Variants in NT5DC2 observed in about 807,000 individuals in gnomAD.
NT5DC2 encodes 5'-nucleotidase domain-containing protein 2.
In NT5DC2, 41 loss-of-function variants were observed where a neutral mutation model predicts 70.0. The observed-to-expected ratio is 0.59, with a 90% CI of 0.46 to 0.76. The LOEUF (loss-of-function observed/expected upper bound fraction) is 0.76. Ranked by LOEUF, NT5DC2 falls within the 30% of genes least tolerant of loss-of-function variation. The probability of loss-of-function intolerance (pLI) is 0.00; values close to 1 mark genes in which losing one functional copy is unlikely to be tolerated. For missense variants in NT5DC2, 705 were observed against 783.2 expected (o/e 0.90, Z 1.19); for synonymous variants, 299 against 310.4 (o/e 0.96, Z 0.39).
rs1357288148 is a variant in NT5DC2, at chr3:52,533,667, G to A, written c.71C>T (p.Ala24Val). Reference protein sequence around the residue: ...LLCGGHGGPRAASSSPSCPGC... With the variant: ...LLCGGHGGPRVASSSPSCPGC... ...AGGGCAGGAGGGCGAGGACGAGGCGGCTCGCGGCCCGCCGTGGCCTCCGCA... is the reference window on the plus strand; with the variant it reads ...AGGGCAGGAGGGCGAGGACGAGGCGACTCGCGGCCCGCCGTGGCCTCCGCA... Residue 24 changes from alanine (A) to valine (V), a missense_variant, in exon 1 of 14, where the codon GCC becomes GTC. Coordinates refer to ENST00000422318, the MANE Select transcript of NT5DC2 (RefSeq NM_001134231.2). 14 of 1,145,316 alleles carry A rather than the reference G, an allele frequency of 1.2e-5. No individual in the cohort carries two copies. Among genetic ancestry groups the A allele is most frequent in the Admixed American group, 4.9e-5 (1 of 20,396 alleles). 70.9% of individuals were successfully genotyped at this position (1,145,316 alleles called of 1,614,324 possible). A position where few individuals can be genotyped will look rare whatever the true frequency, so the allele number is the denominator to read the frequency against.
chr3:52,527,500 AC>A, intron 9 of NT5DC2, 116 bp downstream of exon 9: 2 of 1,450,896 alleles, frequency 1.4e-6, no homozygotes, highest in Non-Finnish European at 1.9e-6. Flanking sequence ...GGGTGTTCTC[AC>A]CCCAAGCACA....
intron 11 of NT5DC2, 32 bp from the exon 12 acceptor site, chr3:52,525,135 C>A: frequency 8.5e-7 from 1 of 1,170,508 alleles, no homozygotes; most frequent in Admixed American, 2.3e-5. Flanking sequence ...CTGGGCTCAG[C>A]GCCAGTTGCT....
Position 52,533,725 on chromosome 3 carries a change from C to A in NT5DC2, c.13G>T (p.Gly5Trp), listed in dbSNP as rs1427580942. The A allele has an allele frequency of 2.0e-6, 2 of 990,362 alleles. No homozygotes were observed. Among genetic ancestry groups the A allele is most frequent in the Non-Finnish European group, 2.4e-6 (2 of 834,834 alleles). The allele number at this position is 990,362 out of a possible 1,614,324, so 61.3% of individuals were successfully genotyped here. The change falls in exon 1 of 14, where the codon GGG becomes TGG. Residue 5 changes from glycine to tryptophan, a missense_variant. Gly to Trp is a radical substitution (Grantham distance 184). Transcript: ENST00000422318. ...CAGCGCCGAGCGGCCGCCCGCAGCC[C>A]CGCACCCGCCATGCCCACCGCGCGC... MAGA[G>W]LRAAARRWLL...
Position 52,524,461 on chromosome 3 carries a change from A to G in NT5DC2, c.*9T>C. 6.2e-7 allele frequency: 1 copy of G among 1,612,692 alleles called. No homozygotes were observed. The highest frequency in any genetic ancestry group is 8.5e-7 in the Non-Finnish European group (1 of 1,179,904). On this transcript the variant is annotated 3_prime_UTR_variant, in exon 14 of 14. Transcript: ENST00000422318. ...GGCTGAGGGCCTGTCCCAGACAATA[A>G]AGGTGCCCTCAGCGGATGTGGGCCA...
intron 1 of NT5DC2, among the ~76,000 whole-genome samples, chr3:52,532,804 C>A (rs12489732): frequency 0.27 from 40,915 of 151,992 alleles, 6,905 homozygotes; most frequent in East Asian, 0.43. Flanking sequence ...CGGAGACAAG[C>A]AGGCAGATGT....
At chr3:52,532,291 A>G in intron 1 of NT5DC2, 1 of 985,050 alleles carries the variant, frequency 1.0e-6, no homozygotes, top group Non-Finnish European at 1.2e-6. Flanking sequence ...CCTCCCTGAA[A>G]CCTCCAAGGC....
At position 52,527,896 on chromosome 3, in the gene NT5DC2, C is replaced by T; in HGVS notation, c.868G>A (p.Val290Ile). The change falls in exon 8 of 14, where the codon GTC (valine) becomes ATC (isoleucine). Residue 290 changes from valine (V) to isoleucine (I), a missense_variant. Val to Ile is a conservative substitution (Grantham distance 29). Coordinates refer to ENST00000422318, the MANE Select transcript of NT5DC2 (RefSeq NM_001134231.2). ...YILRGDETFA[V>I]LSRLVAHGKQ... is the part of the protein sequence containing the mutation. Reference sequence around the variant, plus strand: ...CCATGGGCCACCAGGCGGCTCAGGACAGCAAACGTCTCATCCCCTCTCAGG... The same window carrying T: ...CCATGGGCCACCAGGCGGCTCAGGATAGCAAACGTCTCATCCCCTCTCAGG... The T allele has an allele frequency of 6.2e-7, 1 of 1,613,552 alleles. No homozygotes were observed. Among genetic ancestry groups the T allele is most frequent in the Non-Finnish European group, 8.5e-7 (1 of 1,180,026 alleles).
At position 52,524,564 on chromosome 3, in the gene NT5DC2, G is replaced by A. The variant is rs185630005; in HGVS notation, c.1580C>T (p.Thr527Met). The change falls in exon 14 of 14, where the codon ACG becomes ATG. Residue 527 changes from threonine to methionine, a missense_variant. Physicochemically the swap from Thr to Met is moderately conservative, Grantham distance 81 (BLOSUM62 -1). Coordinates refer to ENST00000422318, the MANE Select transcript of NT5DC2 (RefSeq NM_001134231.2). ...RVDFTFYPRR[T>M]PLQHEAPLWM... ...GAGGGGTGCCTCGTGCTGCAGCGGC[G>A]TACGGCGTGGGTAGAAGGTGAAGTC... is the stretch of plus-strand genomic sequence containing the variant. The A allele has an allele frequency of 2.2e-5, 36 of 1,613,142 alleles. No individual in the cohort carries two copies. The highest frequency in any genetic ancestry group is 1.7e-4 in the Middle Eastern group (1 of 6,060).
chr3:52,525,948 G>A (rs930677577), intron 10 of NT5DC2: 1 of 152,438 alleles, frequency 6.6e-6, no homozygotes, highest in African/African-American at 2.4e-5. Flanking sequence ...AGGTGGTGTG[G>A]GAGAAGCCAA....
In NT5DC2 at chr3:52,528,284, T is replaced by C. The variant is rs532284676; in HGVS notation, c.670A>G (p.Ile224Val). 1 of 1,613,420 alleles carries C rather than the reference T, an allele frequency of 6.2e-7. No homozygotes were observed. The highest frequency in any genetic ancestry group is 2.2e-5 in the East Asian group (1 of 44,888). Residue 224 changes from isoleucine to valine, a missense_variant, in exon 6 of 14, where the codon ATC becomes GTC. By Grantham distance (29) the Ile-to-Val change is conservative. Transcript: ENST00000422318. ...KGPSIKQFMD[I>V]FSLPEMALLS... ...AGAGCCATCTCCGGTAGCGAGAAGA[T>C]GTCCATGAACTGCTTAATGGAGGGA...
In NT5DC2 at chr3:52,525,202, C is replaced by G; in HGVS notation, c.1206+7G>C. ...CCCCCACTGCAGCCCAGCCCTGCCT[C>G]CCTCACCGCCAGATCACTATAGAGG... On this transcript the variant is annotated splice_region_variant and intron_variant, in intron 11 of 13. Transcript: ENST00000422318. 6.2e-7 allele frequency: 1 copy of G among 1,610,658 alleles called. No individual in the cohort carries two copies. Among genetic ancestry groups the G allele is most frequent in the Non-Finnish European group, 8.5e-7 (1 of 1,178,884 alleles).
rs966394705 is a variant in NT5DC2 at position 52,528,256 on chromosome 3, A to T, written c.698T>A (p.Leu233Gln). 5 of 1,613,342 alleles carry T rather than the reference A, an allele frequency of 3.1e-6. No homozygotes were observed. Among genetic ancestry groups the T allele is most frequent in the Non-Finnish European group, 4.2e-6 (5 of 1,180,038 alleles). Residue 233 changes from leucine to glutamine, a missense_variant, in exon 6 of 14, where the codon CTG (leucine) becomes CAG (glutamine). Leu to Gln is a moderately radical substitution (Grantham distance 113, BLOSUM62 -2). Coordinates refer to ENST00000422318, the MANE Select transcript of NT5DC2 (RefSeq NM_001134231.2). Reference sequence around the variant, plus strand: ...CAGAAAGTAGTCCACCACACAGGACAGCAGAGCCATCTCCGGTAGCGAGAA... The same window carrying T: ...CAGAAAGTAGTCCACCACACAGGACTGCAGAGCCATCTCCGGTAGCGAGAA... ...DIFSLPEMAL[L>Q]SCVVDYFLGH...
At chr3:52,525,497 G>A in intron 10 of NT5DC2, 1 of 595,554 alleles carries the variant, frequency 1.7e-6, no homozygotes, top group Non-Finnish European at 3.1e-6. Context: ...GCAGGAAGGT[G>A]CCCTACAGGC....
At chr3:52,534,157 C>A, upstream of NT5DC2, 2 of 305,486 alleles carry the variant, frequency 6.5e-6, no homozygotes, top group South Asian at 6.0e-5. Flanking sequence ...GGGTACCCCC[C>A]GGGCCCCCGG....
intron 9 of NT5DC2, 97 bp from the exon 10 acceptor site, chr3:52,527,472 G>A (rs2079294715): frequency 1.4e-6 from 2 of 1,475,242 alleles, no homozygotes; most frequent in African/African-American, 1.4e-5. Context: ...CTGCTCAAGT[G>A]GACCCATGCC....
At chr3:52,533,875 C>A, upstream of NT5DC2, 5 of 973,712 alleles carry the variant, frequency 5.1e-6, no homozygotes, top group Middle Eastern at 5.3e-4. Flanking sequence ...GCGCGCGGAG[C>A]CCGGCCTGCC....
At chr3:52,532,866 C>T (rs1313265229) in intron 1 of NT5DC2, among the ~76,000 whole-genome samples, 1 of 152,108 alleles carries the variant, frequency 6.6e-6, no homozygotes, top group Non-Finnish European at 1.5e-5. Flanking sequence ...CGGCCCCCTC[C>T]AAGAAGGGGC....
chr3:52,528,113 AG>A, intron 6 of NT5DC2, 40 bp from the exon 7 acceptor site: 1 of 1,612,962 alleles, frequency 6.2e-7, no homozygotes, highest in Middle Eastern at 1.6e-4. Flanking sequence ...AGCAGGGCCC[AG>A]GTGGGGCTGT....
chr3:52,533,398 G>T, intron 1 of NT5DC2, 108 bp downstream of exon 1: 2 of 1,208,326 alleles, frequency 1.7e-6, no homozygotes, highest in Non-Finnish European at 2.2e-6. Flanking sequence ...CGGGGCCCTG[G>T]CGAGCCCCAC....
Sources: gnomAD v4.1 joint callset for allele counts (sites outside exome capture counted in the v4.1 genomes callset) on GRCh38, gnomAD v4.1.1 for gene constraint, MANE v1.5 for transcripts, NCBI Gene and HGNC (gene_info 2026-07-23, HGNC 2026-07-21) for gene names.